The following ZNF682 variants were observed in gnomAD, a reference collection of about 807,000 sequenced individuals.
The protein encoded by ZNF682 is zinc finger protein 682.
In ZNF682, 29 loss-of-function variants were observed where a neutral mutation model predicts 36.5. The observed-to-expected ratio is 0.80, with a 90% CI of 0.59 to 1.08. The LOEUF is 1.08. Ranked by LOEUF, ZNF682 falls within the 50% of genes least tolerant of loss-of-function variation. The pLI is 0.00. For synonymous variants in ZNF682, 180 were observed against 197.0 expected (o/e 0.91, Z 0.72); for missense variants, 561 against 579.7 (o/e 0.97, Z 0.33).
chr19:20,024,436 G>A, intron 1 of ZNF682, 60 bp from the exon 2 acceptor site: 2 of 1,540,878 alleles, frequency 1.3e-6, no homozygotes, highest in African/African-American at 1.4e-5. Context: ...TTGACTCCAT[G>A]TGAAAAGAGA....
At chr19:19,998,904 AAT>A (rs1273582667) in intron 3 of ZNF682, among the ~76,000 whole-genome samples, 1 of 152,090 alleles carries the variant, frequency 6.6e-6, no homozygotes, top group Non-Finnish European at 1.5e-5. Context: ...CTTTTAGAAA[AAT>A]ATATATATAA....
chr19:20,028,917 C>T (rs1314608352), intron 1 of ZNF682, among the ~76,000 whole-genome samples: 2 of 151,952 alleles, frequency 1.3e-5, no homozygotes, highest in Non-Finnish European at 2.9e-5. Flanking sequence ...ACTAACTGTC[C>T]CATAATTCCC....
In ZNF682 at chr19:20,018,042, T is replaced by A. The variant is rs550483819; in HGVS notation, c.226+4962A>T. 6.1e-4 allele frequency among the ~76,000 whole-genome samples: 92 copies of A among 151,846 alleles called. No individual in the cohort carries two copies. The South Asian group carries it at 0.011, about 17-fold the overall frequency. On this transcript the variant is annotated intron_variant, in intron 3 of 3. Coordinates refer to ENST00000397165, the MANE Select transcript of ZNF682 (RefSeq NM_033196.3). ...AAATCTCCATGGTAGTTTTTATTTT[T>A]TTTTTTTGCAGAAATATAGTTAAGA...
intron 1 of ZNF682, among the ~76,000 whole-genome samples, chr19:20,027,055 C>A (rs1386864524): frequency 6.6e-6 from 1 of 152,206 alleles, no homozygotes; most frequent in East Asian, 1.9e-4. Flanking sequence ...AACATCACCC[C>A]TGAGCTGGGA....
chr19:20,036,814 G>GAAAAAAAAAAAAAAAAAAAAAAAA (rs869238931), intron 1 of ZNF682, among the ~76,000 whole-genome samples: 2 of 19,900 alleles, frequency 1.0e-4, no homozygotes. Flanking sequence ...AAAAAAAAAA[G>GAAAAAAAAAAAAAAAAAAAAAAAA]AAAAAAAAAA....
chr19:20,001,567 T>C (rs558656078), downstream of ZNF682, among the ~76,000 whole-genome samples: 119 of 152,352 alleles, frequency 7.8e-4, no homozygotes, highest in African/African-American at 2.9e-3. Context: ...GAATATTGTG[T>C]GTGTGTACTA....
intron 1 of ZNF682, among the ~76,000 whole-genome samples, chr19:20,038,928 A>G (rs914681622): frequency 8.5e-5 from 13 of 152,244 alleles, no homozygotes; most frequent in Admixed American, 7.9e-4. Context: ...TAAGTTTTCA[A>G]CATTTTAAAG....
At chr19:20,025,882 ATAATGTAT>A (rs968536173) in intron 1 of ZNF682, among the ~76,000 whole-genome samples, 2 of 152,148 alleles carry the variant, frequency 1.3e-5, no homozygotes, top group African/African-American at 4.8e-5. Context: ...ATAACCTCTA[ATAATGTAT>A]TTAAGTAGCC....
At chr19:20,031,141 T>C (rs2088476121) in intron 1 of ZNF682, 1 of 152,226 alleles carries the variant, frequency 6.6e-6, no homozygotes, top group African/African-American at 2.4e-5. Context: ...ACAATAGAAC[T>C]TCCCTGGTAG....
At chr19:20,012,717 G>A (rs1286456314) in intron 3 of ZNF682, among the ~76,000 whole-genome samples, 13 of 145,988 alleles carry the variant, frequency 8.9e-5, no homozygotes, top group African/African-American at 3.3e-4. Context: ...GCAGTGAACC[G>A]AGATCGCGCC....
At chr19:20,037,221 A>T (rs1386959065) in intron 1 of ZNF682, among the ~76,000 whole-genome samples, 1 of 152,046 alleles carries the variant, frequency 6.6e-6, no homozygotes, top group African/African-American at 2.4e-5. Context: ...TTTGTGGGGG[A>T]ACTAAAAGGC....
At chr19:20,020,833 C>T (rs915303390) in intron 3 of ZNF682, among the ~76,000 whole-genome samples, 4 of 152,150 alleles carry the variant, frequency 2.6e-5, no homozygotes, top group African/African-American at 7.2e-5. Flanking sequence ...ATGCATGATC[C>T]TCAGCTCTAT....
chr19:20,014,720 A>C (rs7258247), intron 3 of ZNF682, among the ~76,000 whole-genome samples: 11,694 of 151,398 alleles, frequency 0.077, 684 homozygotes, highest in East Asian at 0.2. Flanking sequence ...GCGGAGGTTG[A>C]AGTGAGCCGA....
intron 3 of ZNF682, among the ~76,000 whole-genome samples, chr19:20,018,646 A>T (rs2088358909): frequency 6.6e-6 from 1 of 152,228 alleles, no homozygotes; most frequent in African/African-American, 2.4e-5. Context: ...TTTTTTCAAC[A>T]AATGATGTTG....
At chr19:19,999,591 A>G (rs2088151600), downstream of ZNF682, among the ~76,000 whole-genome samples, 1 of 151,654 alleles carries the variant, frequency 6.6e-6, no homozygotes, top group Admixed American at 6.6e-5. Flanking sequence ...CTAGAGTGCA[A>G]TGGCACGATC....
intron 1 of ZNF682, among the ~76,000 whole-genome samples, chr19:20,038,613 T>TAAAA (rs58388624): frequency 0.22 from 31,544 of 144,724 alleles, 3,570 homozygotes; most frequent in African/African-American, 0.26. Flanking sequence ...GTTCCTACAT[T>TAAAA]AAAAAAAAAA....
Position 20,024,383 on chromosome 19 carries a change from A to T in ZNF682, c.4-7T>A, listed in dbSNP as rs770778555. 1 of 1,603,684 alleles carries T rather than the reference A, an allele frequency of 6.2e-7. No individual in the cohort carries two copies. The highest frequency in any genetic ancestry group is 8.5e-7 in the Non-Finnish European group (1 of 1,176,752). Reference sequence around the variant, plus strand: ...CCCTGAATGTCAACAGTTCCTGAAAAACAAAACAAAACATAGTGACCAACT... The same window carrying T: ...CCCTGAATGTCAACAGTTCCTGAAATACAAAACAAAACATAGTGACCAACT... On this transcript the variant is annotated splice_region_variant and splice_polypyrimidine_tract_variant and intron_variant, in intron 1 of 3. Transcript: ENST00000397165.
At chr19:20,036,528 C>G (rs1186485544) in intron 1 of ZNF682, among the ~76,000 whole-genome samples, 1 of 145,298 alleles carries the variant, frequency 6.9e-6, no homozygotes, top group Non-Finnish European at 1.5e-5. Flanking sequence ...ATTGCTTGAA[C>G]CCAGGAGGCA....
rs1326505947 is a variant in ZNF682 at position 20,022,437 on chromosome 19, G to A, written c.226+567C>T. The stretch of plus-strand genomic sequence containing the variant: ...AATCCCAGCACTTTGGGAGGCTGAG[G>A]TGGGTGGATCACCTGAGGTCGTGGG... On this transcript the variant is annotated intron_variant, in intron 3 of 3. Transcript: ENST00000397165. 2.0e-5 allele frequency among the ~76,000 whole-genome samples: 3 copies of A among 152,216 alleles called. No individual in the cohort carries two copies. The East Asian group carries it at 5.8e-4, about 29-fold the overall frequency.
Sources: gnomAD v4.1 joint callset for allele counts (sites outside exome capture counted in the v4.1 genomes callset) on GRCh38, gnomAD v4.1.1 for gene constraint, MANE v1.5 for transcripts, NCBI Gene and HGNC (gene_info 2026-07-23, HGNC 2026-07-21) for gene names.